SLFNL1: variants seen among roughly 807,000 people sequenced by gnomAD.
SLFNL1 encodes the protein schlafen-like protein 1.
A neutral mutation model predicts 32.5 loss-of-function variants in SLFNL1; 26 were observed. The observed-to-expected ratio is 0.80, with a 90% CI of 0.59 to 1.11. The LOEUF is 1.11. SLFNL1 is among the 50% of genes least tolerant of loss of function. The pLI, the probability that SLFNL1 is intolerant of heterozygous loss-of-function variation, is 0.00. For synonymous variants in SLFNL1, 255 were observed against 242.2 expected (o/e 1.05, Z -0.49); for missense variants, 553 against 546.5 (o/e 1.01, Z -0.12).
chr1:41,020,392 C>G lies in SLFNL1; in HGVS notation c.269G>C (p.Arg90Pro), dbSNP rs745977768. ...CACCTGCACCAGTGCATAGGCCTTC[C>G]GCGGCCGCCTCACCACTTCAATGTG... ...REHIEVVRRP[R>P]KAYALVQVTV... is the part of the protein sequence containing the mutation. The change falls in exon 3 of 6, where the codon CGG becomes CCG. Residue 90 changes from arginine to proline, a missense_variant. By Grantham distance (103) the Arg-to-Pro change is moderately radical. Coordinates refer to ENST00000302946, the MANE Select transcript of SLFNL1 (RefSeq NM_144990.4). 6.2e-7 allele frequency: 1 copy of G among 1,613,100 alleles called. No homozygotes were observed. The highest frequency in any genetic ancestry group is 8.5e-7 in the Non-Finnish European group (1 of 1,180,034).
At chr1:41,021,512 C>T (rs1043862672) in intron 1 of SLFNL1, 111 bp downstream of exon 1, 4 of 152,540 alleles carry the variant, frequency 2.6e-5, no homozygotes, top group African/African-American at 9.6e-5. Flanking sequence ...ACCAGCCCCT[C>T]TACTGCTCCC....
Position 41,018,009 on chromosome 1 carries a change from C to A in SLFNL1, c.583G>T (p.Val195Leu). ...LQSCQGRPSG[V>L]CSDSAIVHQQ... Reference sequence around the variant, plus strand: ...TGCACAATGGCACTGTCGGAGCACACGCCGCTGGGCCGGCCCTGGCAGCTC... The same window carrying A: ...TGCACAATGGCACTGTCGGAGCACAAGCCGCTGGGCCGGCCCTGGCAGCTC... The change falls in exon 4 of 6, where the codon GTG becomes TTG. Residue 195 changes from valine to leucine, a missense_variant. Coordinates refer to ENST00000302946, the MANE Select transcript of SLFNL1 (RefSeq NM_144990.4). 1 of 1,603,998 alleles carries A rather than the reference C, an allele frequency of 6.2e-7. No individual in the cohort carries two copies.
At chr1:41,016,376 G>T in intron 5 of SLFNL1, 148 bp from the exon 6 acceptor site, 1 of 1,228,360 alleles carries the variant, frequency 8.1e-7, no homozygotes, top group Non-Finnish European at 1.1e-6. Flanking sequence ...CCCTCGGCCT[G>T]CTGCCACCTT....
intron 3 of SLFNL1, chr1:41,018,491 T>A: frequency 4.1e-6 from 1 of 244,772 alleles, no homozygotes; most frequent in Non-Finnish European, 7.8e-6. Context: ...TTTTCTTACT[T>A]GGGTTGCAGA....
rs768735444 is a variant in SLFNL1, at chr1:41,017,937, C to T, written c.655G>A (p.Gly219Ser). 6.2e-7 allele frequency: 1 copy of T among 1,612,510 alleles called. No homozygotes were observed. The highest frequency in any genetic ancestry group is 8.5e-7 in the Non-Finnish European group (1 of 1,179,724). Residue 219 changes from glycine (G) to serine (S), a missense_variant, in exon 4 of 6, where the codon GGC becomes AGC. Gly to Ser is a moderately conservative substitution (Grantham distance 56, BLOSUM62 0). Transcript: ENST00000302946. The surrounding 1 kb of genome is among the most constrained non-coding windows in gnomAD (Gnocchi z 4.9). ...AACTCCATATTGCGGGTCTCGCTGC[C>T]CAGGAAGGCACCCTGGAAGAGCTGG... ...KDQLFQGAFL[G>S]SETRNMEFKR...
At chr1:41,016,599 G>T in intron 5 of SLFNL1, 1 of 194,072 alleles carries the variant, frequency 5.2e-6, no homozygotes, top group South Asian at 1.1e-4. Flanking sequence ...GGGGTTTTCT[G>T]GTGACATCTC....
Position 41,020,279 on chromosome 1 carries a change from G to A in SLFNL1, c.382C>T (p.Arg128Cys), listed in dbSNP as rs17851964. ...TCACTCAATAGCAGGTCCTTCCCAC[G>A]GGCTGCCAGCTCCTTGAGGATTAGG... The part of the protein sequence containing the change: ...EHLILKELAA[R>C]GKDLLLSEAQ... The change falls in exon 3 of 6, where the codon CGT (arginine) becomes TGT (cysteine). Residue 128 changes from arginine (R) to cysteine (C), a missense_variant. Coordinates refer to ENST00000302946, the MANE Select transcript of SLFNL1 (RefSeq NM_144990.4). The A allele has an allele frequency of 1.9e-6, 3 of 1,612,432 alleles. No homozygotes were observed. The highest frequency in any genetic ancestry group is 2.2e-5 in the East Asian group (1 of 44,824).
chr1:41,016,461 G>A, intron 5 of SLFNL1: 1 of 560,278 alleles, frequency 1.8e-6, no homozygotes, highest in Non-Finnish European at 3.2e-6. Context: ...GGCAGGCCAT[G>A]TGCCTCCTCA....
intron 3 of SLFNL1, among the ~76,000 whole-genome samples, chr1:41,019,026 G>A (rs1365463889): frequency 1.3e-5 from 2 of 151,732 alleles, no homozygotes; most frequent in African/African-American, 4.8e-5. Flanking sequence ...ATTTTTAGTA[G>A]AGACGGGGTT....
intron 3 of SLFNL1, 196 bp from the exon 4 acceptor site, chr1:41,018,352 C>A: frequency 1.9e-6 from 1 of 520,242 alleles, no homozygotes; most frequent in Non-Finnish European, 3.3e-6. Flanking sequence ...CCTGCTGGAT[C>A]GAGGGTTCCA....
chr1:41,020,429 C>T lies in SLFNL1; in HGVS notation c.232G>A (p.Val78Met), dbSNP rs2148456763. The part of the protein sequence containing the change: ...RDTLERLEMP[V>M]AREHIEVVRR... ...ACCACTTCAATGTGCTCCCGCGCCA[C>T]CGGCATCTCCAGCCGCTCCAGGGTG... is the stretch of plus-strand genomic sequence containing the variant. The change falls in exon 3 of 6, where the codon GTG becomes ATG. Residue 78 changes from valine (V) to methionine (M), a missense_variant. Val to Met is a conservative substitution (Grantham distance 21, BLOSUM62 1). Coordinates refer to ENST00000302946, the MANE Select transcript of SLFNL1 (RefSeq NM_144990.4). 1 of 1,613,116 alleles carries T rather than the reference C, an allele frequency of 6.2e-7. No homozygotes were observed. The highest frequency in any genetic ancestry group is 1.7e-5 in the Admixed American group (1 of 60,030).
Position 41,020,339 on chromosome 1 carries a change from G to A in SLFNL1, c.322C>T (p.Leu108Phe). The A allele has an allele frequency of 1.2e-6, 2 of 1,613,586 alleles. No homozygotes were observed. The highest frequency in any genetic ancestry group is 3.3e-5 in the Admixed American group (2 of 60,028). ...VTVHRDTLAS[L>F]PWRLQTALEE... ...AGGGCCGTCTGCAGGCGCCAGGGGAGGGAGGCCAGGGTGTCCCTGTGGACA... is the reference window on the plus strand; with the variant it reads ...AGGGCCGTCTGCAGGCGCCAGGGGAAGGAGGCCAGGGTGTCCCTGTGGACA... Residue 108 changes from leucine (L) to phenylalanine (F), a missense_variant, in exon 3 of 6, where the codon CTC becomes TTC. Transcript: ENST00000302946.
In SLFNL1 at chr1:41,016,204, G is replaced by A. The variant is rs757383404; in HGVS notation, c.1126C>T (p.Leu376=). ...ATCAGCGCCTTCATCTTCTCTTCCA[G>A]CTTGCCCAGCTCCACCAGCCACCTC... ...RQRWLVELGK[L]EEKMKALMME... is the part of the protein sequence containing the mutation. Residue 376 remains leucine, a synonymous_variant, in exon 6 of 6, where the codon CTG becomes TTG. Transcript: ENST00000302946. 1.5e-5 allele frequency: 24 copies of A among 1,613,954 alleles called. No homozygotes were observed. Among genetic ancestry groups the A allele is most frequent in the Non-Finnish European group, 1.8e-5 (21 of 1,180,006 alleles).
In SLFNL1 at chr1:41,017,194, A is replaced by AGCTCC; in HGVS notation, c.1101+35_1101+39dup. On this transcript the variant is annotated intron_variant, in intron 5 of 5. Transcript: ENST00000302946. The surrounding 1 kb of genome is among the most constrained non-coding windows in gnomAD (Gnocchi z 4.9). The stretch of plus-strand genomic sequence containing the variant: ...TGGGTGGCTGAAGGGGTCTGGGGTC[A>AGCTCC]GCTCCGCTCCACCCCACCCACTGGC... 1 of 1,521,150 alleles carries AGCTCC rather than the reference A, an allele frequency of 6.6e-7. No homozygotes were observed. Among genetic ancestry groups the AGCTCC allele is most frequent in the African/African-American group, 1.4e-5 (1 of 72,934 alleles). The allele number at this position is 1,521,150 out of a possible 1,614,324, so 94.2% of individuals were successfully genotyped here. A position where few individuals can be genotyped will look rare whatever the true frequency, so the allele number is the denominator to read the frequency against.
intron 3 of SLFNL1, among the ~76,000 whole-genome samples, chr1:41,019,055 C>T (rs1374991905): frequency 6.6e-6 from 1 of 151,860 alleles, no homozygotes. Flanking sequence ...GTCTCGATCT[C>T]CTGACCTCGT....
At chr1:41,016,623 C>T in intron 5 of SLFNL1, 1 of 177,174 alleles carries the variant, frequency 5.6e-6, no homozygotes, top group Non-Finnish European at 1.2e-5. Context: ...ATTCCAGTCT[C>T]TCTGCTCCCT....
chr1:41,020,166 A>G, intron 3 of SLFNL1, 60 bp downstream of exon 3: 1 of 1,504,692 alleles, frequency 6.6e-7, no homozygotes. Flanking sequence ...GGCCACTCCC[A>G]CTCAGAGGCT....
rs368920875 is a variant in SLFNL1, at chr1:41,017,280, A to C, written c.1055T>G (p.Ile352Ser). 3.1e-5 allele frequency: 50 copies of C among 1,608,528 alleles called. No individual in the cohort carries two copies. Among genetic ancestry groups the C allele is most frequent in the Non-Finnish European group, 4.2e-5 (50 of 1,178,118 alleles). The change falls in exon 5 of 6, where the codon ATC (isoleucine) becomes AGC (serine). Residue 352 changes from isoleucine to serine, a missense_variant. Ile to Ser is a moderately radical substitution (Grantham distance 142, BLOSUM62 -2). Transcript: ENST00000302946. The surrounding 1 kb of genome is among the most constrained non-coding windows in gnomAD (Gnocchi z 4.9). Reference sequence around the variant, plus strand: ...GGCGCTGGCAGACAGCGGGCCCTGGATGCTCCCGTCGCGCCGCAGAAACAC... The same window carrying C: ...GGCGCTGGCAGACAGCGGGCCCTGGCTGCTCCCGTCGCGCCGCAGAAACAC... Reference protein sequence around the residue: ...GEVFLRRDGSIQGPLSASAIQ... With the variant: ...GEVFLRRDGSSQGPLSASAIQ...
rs760945226 is a variant in SLFNL1, at chr1:41,016,082, C to A, written c.*24G>T. The stretch of plus-strand genomic sequence containing the variant: ...GGGTCTCAGGTGGAGAGTGCCGTGC[C>A]GTCCTGCCTGCTCCCCAGGGCCCTC... On this transcript the variant is annotated 3_prime_UTR_variant, in exon 6 of 6. Coordinates refer to ENST00000302946, the MANE Select transcript of SLFNL1 (RefSeq NM_144990.4). 1.2e-6 allele frequency: 2 copies of A among 1,604,158 alleles called. No individual in the cohort carries two copies. Among genetic ancestry groups the A allele is most frequent in the Admixed American group, 1.7e-5 (1 of 58,948 alleles).
Sources: allele counts gnomAD v4.1 joint callset (sites outside exome capture counted in the v4.1 genomes callset), GRCh38; gene constraint gnomAD v4.1.1; non-coding constraint Gnocchi (gnomAD v3.1); transcripts MANE v1.5; gene names NCBI Gene and HGNC (gene_info 2026-07-23, HGNC 2026-07-21).